Variants in ST18 observed in about 807,000 individuals in gnomAD.
The protein encoded by ST18 is ST18 C2H2C-type zinc finger transcription factor.
In ST18, 50 loss-of-function variants were observed where a neutral mutation model predicts 110.0. The observed-to-expected ratio is 0.45, with a 90% CI of 0.36 to 0.58. The LOEUF is 0.58. Among genes scored for constraint, ST18 ranks in the 20% least tolerant of loss-of-function variants. The probability of loss-of-function intolerance (pLI) is 0.00; values close to 1 mark genes in which losing one functional copy is unlikely to be tolerated. For missense variants in ST18, 1,306 were observed against 1,280.1 expected (o/e 1.02, Z -0.31); for synonymous variants, 461 against 452.4 (o/e 1.02, Z -0.24).
chr8:52,115,815 G>A (rs1470097029), intron 25 of ST18, among the ~76,000 whole-genome samples: 1 of 151,946 alleles, frequency 6.6e-6, no homozygotes, highest in Non-Finnish European at 1.5e-5. Flanking sequence ...TTTTATATGA[G>A]GAGAACTGAA....
At chr8:52,246,600 G>A (rs2093877240) in intron 2 of ST18, 1 of 152,114 alleles carries the variant, frequency 6.6e-6, no homozygotes, top group Non-Finnish European at 1.5e-5. Context: ...GTCTTGATAT[G>A]AGCACGCAGA....
At chr8:52,244,683 T>G (rs745786338) in intron 2 of ST18, among the ~76,000 whole-genome samples, 1 of 152,184 alleles carries the variant, frequency 6.6e-6, no homozygotes, top group Non-Finnish European at 1.5e-5. Context: ...CCTACATGTT[T>G]TCCAAAATAT....
At chr8:52,298,265 G>A (rs555787617) in intron 2 of ST18, among the ~76,000 whole-genome samples, 7 of 152,330 alleles carry the variant, frequency 4.6e-5, no homozygotes, top group African/African-American at 9.6e-5. Flanking sequence ...ATCTGTGTGC[G>A]CAGGAAGAGG....
intron 8 of ST18, among the ~76,000 whole-genome samples, chr8:52,189,970 G>A (rs917941807): frequency 6.6e-6 from 1 of 152,182 alleles, no homozygotes; most frequent in African/African-American, 2.4e-5. Flanking sequence ...TCTGTTACCA[G>A]ATAGTAGATT....
At position 52,126,120 on chromosome 8, in the gene ST18, T is replaced by C; in HGVS notation, c.2687A>G (p.Asn896Ser). The C allele has an allele frequency of 1.2e-6, 2 of 1,614,116 alleles. No individual in the cohort carries two copies. Among genetic ancestry groups the C allele is most frequent in the Non-Finnish European group, 8.5e-7 (1 of 1,179,976 alleles). ...CTTGCCCTTTTTGATAACTTGTGCA[T>C]TGAGAGGACATCCAGATAAGCTGTG... ...THRSLSGCPL[N>S]AQVIKKGKVS... Residue 896 changes from asparagine (N) to serine (S), a missense_variant, in exon 23 of 26, where the codon AAT becomes AGT. Asn to Ser is a conservative substitution (Grantham distance 46). Transcript: ENST00000689386.
chr8:52,174,651 C>T (rs2066204309), intron 9 of ST18, among the ~76,000 whole-genome samples: 1 of 152,220 alleles, frequency 6.6e-6, no homozygotes, highest in African/African-American at 2.4e-5. Context: ...CTGCCAACTG[C>T]TCGCATTTTG....
chr8:52,337,790 A>G (rs1414643047), intron 2 of ST18, among the ~76,000 whole-genome samples: 1 of 152,196 alleles, frequency 6.6e-6, no homozygotes, highest in African/African-American at 2.4e-5. Context: ...TCAGCCTCAG[A>G]TGCAGTGGGT....
At chr8:52,192,765 G>C (rs778533303) in intron 8 of ST18, among the ~76,000 whole-genome samples, 30 of 152,200 alleles carry the variant, frequency 2.0e-4, no homozygotes, top group Non-Finnish European at 3.5e-4. Context: ...TCCAAATCTA[G>C]GTCCTGTAGG....
chr8:52,212,136 A>C, intron 7 of ST18, 27 bp from the exon 8 acceptor site: 2 of 1,589,566 alleles, frequency 1.3e-6, no homozygotes, highest in African/African-American at 1.4e-5. Context: ...AAAAAAAAGA[A>C]GACTTAATCA....
intron 8 of ST18, among the ~76,000 whole-genome samples, chr8:52,211,532 G>A (rs1469550373): frequency 6.6e-6 from 1 of 151,772 alleles, no homozygotes; most frequent in African/African-American, 2.4e-5. Flanking sequence ...ACAGCCTCCT[G>A]AGTAGCTGAA....
chr8:52,174,619 G>A (rs1274445752), intron 9 of ST18, among the ~76,000 whole-genome samples: 2 of 152,206 alleles, frequency 1.3e-5, no homozygotes, highest in Non-Finnish European at 2.9e-5. Flanking sequence ...ACATGTGCAC[G>A]ACAATGCATT....
chr8:52,252,710 C>A (rs758062404), intron 2 of ST18, among the ~76,000 whole-genome samples: 1 of 151,924 alleles, frequency 6.6e-6, no homozygotes, highest in Non-Finnish European at 1.5e-5. Context: ...TTATGTGCAA[C>A]AGTGATTTCC....
intron 2 of ST18, among the ~76,000 whole-genome samples, chr8:52,265,695 A>G (rs1210445536): frequency 1.3e-5 from 2 of 152,244 alleles, no homozygotes; most frequent in Admixed American, 1.3e-4. Context: ...AGGGAAACTG[A>G]AAGAAATGTC....
intron 22 of ST18, among the ~76,000 whole-genome samples, chr8:52,129,862 T>C (rs1359705829): frequency 6.6e-6 from 1 of 151,908 alleles, no homozygotes; most frequent in Non-Finnish European, 1.5e-5. Context: ...CTGACCAACA[T>C]GGCAAAACCC....
intron 13 of ST18, among the ~76,000 whole-genome samples, chr8:52,162,879 G>GT (rs1200780830): frequency 3.3e-5 from 5 of 151,720 alleles, no homozygotes; most frequent in African/African-American, 9.7e-5. Flanking sequence ...TTTCCAATGA[G>GT]TTTTTTTTGG....
rs2049925593 is a variant in ST18, at chr8:52,132,167, T to C, written c.2457A>G (p.Ile819Met). ...ATATGTGACCTTGGCCATCACACCC[T>C]ATCACAGGACATCTAGAGAGAAAGC... ...KEDPELKCPV[I>M]GCDGQGHISG... The change falls in exon 22 of 26, where the codon ATA (isoleucine) becomes ATG (methionine). Residue 819 changes from isoleucine (I) to methionine (M), a missense_variant. Physicochemically the swap from Ile to Met is conservative, Grantham distance 10. Transcript: ENST00000689386. The C allele has an allele frequency of 6.2e-7, 1 of 1,612,110 alleles. No individual in the cohort carries two copies. Among genetic ancestry groups the C allele is most frequent in the Admixed American group, 1.7e-5 (1 of 59,976 alleles).
intron 2 of ST18, chr8:52,296,285 T>C (rs1207668240): frequency 2.0e-5 from 3 of 152,240 alleles, no homozygotes. Flanking sequence ...ACACCTTTTA[T>C]TGACGTCTGG....
intron 2 of ST18, among the ~76,000 whole-genome samples, chr8:52,289,404 G>T (rs2095519630): frequency 6.6e-6 from 1 of 152,154 alleles, no homozygotes; most frequent in Non-Finnish European, 1.5e-5. Flanking sequence ...AGGCTTCAGT[G>T]ATTGCGCCAC....
chr8:52,369,733 T>C (rs1380831695), intron 2 of ST18, among the ~76,000 whole-genome samples: 2 of 152,206 alleles, frequency 1.3e-5, no homozygotes. Context: ...ATAAACGTAT[T>C]GATTCCAGTC....
Sources: allele counts gnomAD v4.1 joint callset (sites outside exome capture counted in the v4.1 genomes callset), GRCh38; gene constraint gnomAD v4.1.1; transcripts MANE v1.5; gene names NCBI Gene and HGNC (gene_info 2026-07-23, HGNC 2026-07-21).